The following PDE4A variants were observed in gnomAD, a reference collection of about 807,000 sequenced individuals.
The protein encoded by PDE4A is phosphodiesterase 4A, also known as 3',5'-cyclic-AMP phosphodiesterase 4A.
In PDE4A, 21 loss-of-function variants were observed where a neutral mutation model predicts 73.9. The ratio of observed to expected loss-of-function variants is 0.28; its 90% CI spans 0.20 to 0.41. The LOEUF is 0.41. Ranked by LOEUF, PDE4A falls within the 10% of genes least tolerant of loss-of-function variation. PDE4A has a pLI of 1.00. For missense variants in PDE4A, 958 were observed against 1,211.4 expected, an observed-to-expected ratio of 0.79 and a Z score of 3.10; for synonymous variants, 463 against 505.4, an observed-to-expected ratio of 0.92 and a Z score of 1.13.
At position 10,450,656 on chromosome 19, in the gene PDE4A, G is replaced by A. The variant is rs1056244498; in HGVS notation, c.670+4G>A. 1 of 1,608,582 alleles carries A rather than the reference G, an allele frequency of 6.2e-7. No homozygotes were observed. The highest frequency in any genetic ancestry group is 1.3e-5 in the African/African-American group (1 of 74,816). ...GTCTGCAAGGCCACGCTGTCAGGTA[G>A]CTAAGCCCAGAGGGGTGGGAAGGGG... On this transcript the variant is annotated splice_donor_region_variant and intron_variant, in intron 5 of 14. Coordinates refer to ENST00000380702, the MANE Select transcript of PDE4A (RefSeq NM_001111307.2).
chr19:10,454,165 G>A (rs1328744657), intron 6 of PDE4A, among the ~76,000 whole-genome samples: 1 of 152,164 alleles, frequency 6.6e-6, no homozygotes, highest in African/African-American at 2.4e-5. Flanking sequence ...GGGGTTGGGG[G>A]AGAGTGGGCT....
chr19:10,453,162 C>CT lies in PDE4A; in HGVS notation c.784-1666dup. 1 of 1,459,052 alleles carries CT rather than the reference C, an allele frequency of 6.9e-7. No homozygotes were observed. Among genetic ancestry groups the CT allele is most frequent in the Non-Finnish European group, 9.1e-7 (1 of 1,103,126 alleles). The allele number at this position is 1,459,052 out of a possible 1,614,324, so 90.4% of individuals were successfully genotyped here. ...GGCCCCTCCGCGGCTCCCCCTTCCA[C>CT]TACCCACCTGCCCGGCACCCCCTCC... On this transcript the variant is annotated intron_variant, in intron 6 of 14. Transcript: ENST00000380702. The surrounding 1 kb of genome is among the most constrained non-coding windows in gnomAD (Gnocchi z 4.6).
At chr19:10,463,459 TG>T (rs2043310548) in intron 13 of PDE4A, among the ~76,000 whole-genome samples, 1 of 140,762 alleles carries the variant, frequency 7.1e-6, no homozygotes, top group African/African-American at 2.7e-5. Context: ...TGGAGGGCAG[TG>T]GCTTGATCTC....
chr19:10,425,884 G>A (rs2042710156), intron 1 of PDE4A, among the ~76,000 whole-genome samples: 1 of 151,368 alleles, frequency 6.6e-6, no homozygotes, highest in African/African-American at 2.4e-5. Context: ...CTACTGGTGA[G>A]GCTGAGGCAG....
At chr19:10,446,127 C>T (rs1368141481) in intron 1 of PDE4A, 91 bp from the exon 2 acceptor site, 6 of 1,489,396 alleles carry the variant, frequency 4.0e-6, no homozygotes, top group Non-Finnish European at 3.6e-6. Flanking sequence ...GCATTACAGG[C>T]GTGAGCCACC....
At chr19:10,417,219 A>G (rs1479735471), upstream of PDE4A, 2 of 984,046 alleles carry the variant, frequency 2.0e-6, no homozygotes, top group East Asian at 1.1e-4. Context: ...TCAAATGAGG[A>G]GAGGATTTTG....
At chr19:10,459,098 C>T in intron 8 of PDE4A, 1 of 388,064 alleles carries the variant, frequency 2.6e-6, no homozygotes, top group Non-Finnish European at 4.8e-6. Flanking sequence ...TTATGAGCTG[C>T]ATGATCTTGG....
chr19:10,467,574 G>A lies in PDE4A; in HGVS notation c.2614G>A (p.Ala872Thr), dbSNP rs201190584. The A allele has an allele frequency of 5.1e-5, 82 of 1,598,832 alleles. No homozygotes were observed. Among genetic ancestry groups the A allele is most frequent in the African/African-American group, 6.7e-5 (5 of 74,604 alleles). ...AGGGACATTTGGGGAGGACACATCC[G>A]CACTCCCAGCTCCTGGTGGCGGGGG... The part of the protein sequence containing the change: ...CAGTFGEDTS[A>T]LPAPGGGGSG... Residue 872 changes from alanine to threonine, a missense_variant, in exon 15 of 15, where the codon GCA becomes ACA. Around this residue, in one of 3 missense-constraint regions of PDE4A, gnomAD observed 243 missense variants for 245.9 expected, o/e 0.99. Coordinates refer to ENST00000380702, the MANE Select transcript of PDE4A (RefSeq NM_001111307.2).
At chr19:10,464,144 C>T (rs1423689874) in intron 14 of PDE4A, 169 bp downstream of exon 14, 1 of 843,038 alleles carries the variant, frequency 1.2e-6, no homozygotes, top group East Asian at 2.8e-5. Flanking sequence ...ATTGCCCAGG[C>T]TGGAGTACAA....
chr19:10,439,307 G>A (rs1051892145), intron 1 of PDE4A, among the ~76,000 whole-genome samples: 8 of 151,796 alleles, frequency 5.3e-5, no homozygotes, highest in Non-Finnish European at 1.2e-4. Flanking sequence ...GCAGCCTCCC[G>A]AGTAGCTGGG....
At chr19:10,428,267 A>G (rs2042742541) in intron 1 of PDE4A, among the ~76,000 whole-genome samples, 1 of 151,980 alleles carries the variant, frequency 6.6e-6, no homozygotes, top group Non-Finnish European at 1.5e-5. Context: ...CTGAGGTTGA[A>G]GGATCACTTG....
At chr19:10,466,633 A>G (rs527899479) in intron 14 of PDE4A, among the ~76,000 whole-genome samples, 3 of 151,904 alleles carry the variant, frequency 2.0e-5, no homozygotes, top group South Asian at 4.2e-4. Context: ...TAGCTGAACT[A>G]CAGGCATGCA....
chr19:10,420,594 G>C lies in PDE4A; in HGVS notation c.-171G>C, dbSNP rs1428903295. ...GCGCCGAAAGGAAGCTGCAGAGCCC[G>C]GCCCGGGGGCGATTGGCCCGCAGCG... is the stretch of plus-strand genomic sequence containing the variant. On this transcript the variant is annotated 5_prime_UTR_variant, in exon 1 of 15. Coordinates refer to ENST00000380702, the MANE Select transcript of PDE4A (RefSeq NM_001111307.2). This position sits in a 1 kb window ranked among gnomAD's most constrained non-coding sequence, Gnocchi z 6.0. 2 of 1,278,560 alleles carry C rather than the reference G, an allele frequency of 1.6e-6. No homozygotes were observed. The highest frequency in any genetic ancestry group is 2.0e-6 in the Non-Finnish European group (2 of 1,016,564). 79.2% of individuals were successfully genotyped at this position (1,278,560 alleles called of 1,614,324 possible).
intron 1 of PDE4A, among the ~76,000 whole-genome samples, chr19:10,426,989 A>T (rs2042725727): frequency 6.6e-6 from 1 of 151,798 alleles, no homozygotes; most frequent in Non-Finnish European, 1.5e-5. Context: ...TGACATTTGA[A>T]CAAAGACCCA....
chr19:10,454,793 C>T (rs201997960), intron 6 of PDE4A, 36 bp from the exon 7 acceptor site: 88 of 1,613,138 alleles, frequency 5.5e-5, no homozygotes, highest in Non-Finnish European at 7.2e-5. Flanking sequence ...CTGTGCTTCC[C>T]CCATCATTTC....
At chr19:10,448,365 G>A (rs894501407) in intron 2 of PDE4A, among the ~76,000 whole-genome samples, 2 of 151,850 alleles carry the variant, frequency 1.3e-5, no homozygotes, top group Admixed American at 6.6e-5. Context: ...GGTCAGGCAC[G>A]GTGGCTCACG....
At chr19:10,421,112 G>A in intron 1 of PDE4A, 28 bp downstream of exon 1, 1 of 1,353,070 alleles carries the variant, frequency 7.4e-7, no homozygotes, top group Non-Finnish European at 9.4e-7. Flanking sequence ...GGATGCGCGC[G>A]GAACGGATGG....
rs567131983 is a variant in PDE4A at position 10,458,643 on chromosome 19, G to A, written c.1101+541G>A. ...TTATTTATTTATTTATTTTGAGATG[G>A]AGACTCGCTCTGTTGCCCAGGTTGG... On this transcript the variant is annotated intron_variant, in intron 8 of 14. Transcript: ENST00000380702. The surrounding 1 kb of genome is among the most constrained non-coding windows in gnomAD (Gnocchi z 4.6). Among the ~76,000 whole-genome samples, 13 of 152,214 alleles carry A rather than the reference G, an allele frequency of 8.5e-5. No homozygotes were observed. Among genetic ancestry groups the A allele is most frequent in the African/African-American group, 3.1e-4 (13 of 41,528 alleles).
At chr19:10,431,192 C>G in intron 1 of PDE4A, 1 of 790,870 alleles carries the variant, frequency 1.3e-6, no homozygotes. Context: ...CTTTCCTCTT[C>G]TGTCACATAG....
Sources: allele counts gnomAD v4.1 joint callset (sites outside exome capture counted in the v4.1 genomes callset), GRCh38; gene constraint gnomAD v4.1.1; regional missense constraint gnomAD v4.1.1; non-coding constraint Gnocchi (gnomAD v3.1); transcripts MANE v1.5; gene names NCBI Gene and HGNC (gene_info 2026-07-23, HGNC 2026-07-21).